NELL1: variants seen among roughly 807,000 people sequenced by gnomAD.
NELL1 encodes protein kinase C-binding protein NELL1.
In NELL1, 76 loss-of-function variants were observed where a neutral mutation model predicts 107.4. The observed-to-expected ratio is 0.71, with a 90% CI of 0.59 to 0.86. The LOEUF is 0.86. Ranked by LOEUF, NELL1 falls within the 40% of genes least tolerant of loss-of-function variation. The probability of loss-of-function intolerance (pLI) is 0.00; values close to 1 mark genes in which losing one functional copy is unlikely to be tolerated. For missense variants in NELL1, 1,024 were observed against 1,005.5 expected, an observed-to-expected ratio of 1.02 and a Z score of -0.25; for synonymous variants, 353 against 341.2, an observed-to-expected ratio of 1.03 and a Z score of -0.38.
chr11:20,898,615 A>G (rs1482484055), intron 5 of NELL1, among the ~76,000 whole-genome samples: 1 of 143,118 alleles, frequency 7.0e-6, no homozygotes, highest in East Asian at 2.0e-4. Context: ...GTCAACATCT[A>G]TTTTTTTTTT....
At chr11:21,303,776 G>A (rs1192850874) in intron 14 of NELL1, among the ~76,000 whole-genome samples, 6 of 151,996 alleles carry the variant, frequency 3.9e-5, no homozygotes. Flanking sequence ...CATCACTCAG[G>A]TTGAAACTAT....
chr11:21,094,164 G>A (rs11603950), intron 12 of NELL1, among the ~76,000 whole-genome samples: 23,263 of 152,190 alleles, frequency 0.15, 2,140 homozygotes, highest in Middle Eastern at 0.27. Context: ...AAGCAAAGGG[G>A]CTACAGGCCC....
intron 15 of NELL1, among the ~76,000 whole-genome samples, chr11:21,403,311 C>A (rs1852142931): frequency 6.6e-6 from 1 of 151,578 alleles, no homozygotes; most frequent in African/African-American, 2.4e-5. Context: ...CTGGGAAGCT[C>A]ATAGACCAAA....
intron 13 of NELL1, among the ~76,000 whole-genome samples, chr11:21,163,018 A>G (rs1856405990): frequency 6.6e-6 from 1 of 152,216 alleles, no homozygotes; most frequent in Non-Finnish European, 1.5e-5. Context: ...GAAAGGAGGG[A>G]TTAAACCTGT....
intron 14 of NELL1, among the ~76,000 whole-genome samples, chr11:21,309,245 T>A (rs114607728): frequency 0.018 from 2,132 of 121,650 alleles, 64 homozygotes; most frequent in African/African-American, 0.06. Context: ...AAAAACCCAC[T>A]CTAAATATAT....
At chr11:20,844,448 T>G (rs540225361) in intron 3 of NELL1, among the ~76,000 whole-genome samples, 1 of 152,312 alleles carries the variant, frequency 6.6e-6, no homozygotes, top group African/African-American at 2.4e-5. Flanking sequence ...TGCAAAATCT[T>G]TTGCTTACAA....
chr11:21,030,622 A>ATTTTTTTTTTTTTTTTTT (rs201033870), intron 12 of NELL1, among the ~76,000 whole-genome samples: 1 of 120,122 alleles, frequency 8.3e-6, no homozygotes, highest in Non-Finnish European at 1.8e-5. Context: ...ATTTTCTTGT[A>ATTTTTTTTTTTTTTTTTT]TTTTTTTTTT....
chr11:21,303,510 C>A (rs1849542876), intron 14 of NELL1, among the ~76,000 whole-genome samples: 1 of 151,810 alleles, frequency 6.6e-6, no homozygotes, highest in South Asian at 2.1e-4. Flanking sequence ...ATGTATGATT[C>A]CCTCTCCATG....
intron 15 of NELL1, among the ~76,000 whole-genome samples, chr11:21,516,260 CAT>C (rs1161326446): frequency 6.6e-6 from 1 of 152,128 alleles, no homozygotes; most frequent in Non-Finnish European, 1.5e-5. Flanking sequence ...GTGACTAAAA[CAT>C]AGTATCTGAG....
chr11:21,510,125 G>A (rs927736866), intron 15 of NELL1, among the ~76,000 whole-genome samples: 5 of 152,184 alleles, frequency 3.3e-5, no homozygotes, highest in East Asian at 1.9e-4. Flanking sequence ...TAGGGTAGGC[G>A]GGGAGGACTT....
chr11:20,993,490 C>G (rs996463725), intron 12 of NELL1, among the ~76,000 whole-genome samples: 1 of 152,096 alleles, frequency 6.6e-6, no homozygotes. Flanking sequence ...TTAGCTTGGT[C>G]AGTGAACAGA....
chr11:20,935,382 T>C (rs1471715172), intron 9 of NELL1, among the ~76,000 whole-genome samples: 1 of 151,988 alleles, frequency 6.6e-6, no homozygotes, highest in Non-Finnish European at 1.5e-5. Flanking sequence ...GTGGATGGGG[T>C]GCTCTGCACG....
intron 15 of NELL1, among the ~76,000 whole-genome samples, chr11:21,415,232 A>C (rs1455674819): frequency 6.6e-6 from 1 of 152,102 alleles, no homozygotes; most frequent in Non-Finnish European, 1.5e-5. Context: ...CTTATAAAAG[A>C]AAGACCAGGG....
At chr11:21,315,999 T>C (rs1246615391) in intron 14 of NELL1, among the ~76,000 whole-genome samples, 2 of 152,282 alleles carry the variant, frequency 1.3e-5, no homozygotes, top group South Asian at 2.1e-4. Flanking sequence ...TACTTTATAT[T>C]CTTTCCATAA....
intron 4 of NELL1, among the ~76,000 whole-genome samples, chr11:20,859,646 A>G (rs1400957851): frequency 6.6e-6 from 1 of 152,096 alleles, no homozygotes; most frequent in Non-Finnish European, 1.5e-5. Flanking sequence ...CTTTAAGGGG[A>G]CTTTGCAATT....
chr11:20,995,756 G>T (rs1279241487), intron 12 of NELL1, among the ~76,000 whole-genome samples: 3 of 152,060 alleles, frequency 2.0e-5, no homozygotes, highest in Admixed American at 1.3e-4. Context: ...TCTGTTTCAT[G>T]CTGGGCAGTG....
At chr11:21,216,053 G>T (rs1253621363) in intron 13 of NELL1, among the ~76,000 whole-genome samples, 1 of 152,098 alleles carries the variant, frequency 6.6e-6, no homozygotes, top group Non-Finnish European at 1.5e-5. Flanking sequence ...CCTCCCCTCT[G>T]TGTACAGCCT....
chr11:21,507,940 C>T (rs1252318979), intron 15 of NELL1, among the ~76,000 whole-genome samples: 2 of 151,986 alleles, frequency 1.3e-5, no homozygotes, highest in Non-Finnish European at 1.5e-5. Context: ...ACCACTACGC[C>T]TGGCTAATTT....
At chr11:21,413,156 C>T (rs140359163) in intron 15 of NELL1, among the ~76,000 whole-genome samples, 287 of 152,236 alleles carry the variant, frequency 1.9e-3, no homozygotes, top group African/African-American at 6.3e-3. Context: ...CTGTGGCTCA[C>T]TGCCACGGTT....
Sources: allele counts gnomAD v4.1 joint callset (sites outside exome capture counted in the v4.1 genomes callset), GRCh38; gene constraint gnomAD v4.1.1; transcripts MANE v1.5; gene names NCBI Gene and HGNC (gene_info 2026-07-23, HGNC 2026-07-21).